EIF2A: variants seen among roughly 807,000 people sequenced by gnomAD.
EIF2A encodes eukaryotic translation initiation factor 2A, also known as 65 kDa eukaryotic translation initiation factor 2A.
A neutral mutation model predicts 75.2 loss-of-function variants in EIF2A; 62 were observed. That is an observed-to-expected ratio of 0.82 (90% CI 0.67 to 1.02). The LOEUF (loss-of-function observed/expected upper bound fraction) is 1.02. EIF2A is among the 50% of genes least tolerant of loss of function. The pLI, the probability that EIF2A is intolerant of heterozygous loss-of-function variation, is 0.00. For missense variants in EIF2A, 611 were observed against 677.7 expected, an observed-to-expected ratio of 0.90 and a Z score of 1.09; for synonymous variants, 207 against 239.0, an observed-to-expected ratio of 0.87 and a Z score of 1.23.
At chr3:150,554,514 G>A (rs1225529644) in intron 2 of EIF2A, among the ~76,000 whole-genome samples, 1 of 152,172 alleles carries the variant, frequency 6.6e-6, no homozygotes, top group African/African-American at 2.4e-5. Context: ...CATCTGAAAA[G>A]CTCGTTAAAA....
At chr3:150,582,382 T>C (rs1293100713) in intron 12 of EIF2A, among the ~76,000 whole-genome samples, 2 of 151,216 alleles carry the variant, frequency 1.3e-5, no homozygotes, top group African/African-American at 4.9e-5. Context: ...TGGCGCGATC[T>C]CGGCTCACTG....
At chr3:150,560,376 C>G (rs934001774) in intron 3 of EIF2A, among the ~76,000 whole-genome samples, 2 of 152,154 alleles carry the variant, frequency 1.3e-5, no homozygotes, top group Non-Finnish European at 2.9e-5. Flanking sequence ...GTTACTGATT[C>G]TTCCTTAAAT....
intron 12 of EIF2A, 60 bp from the exon 13 acceptor site, chr3:150,583,140 G>C: frequency 6.9e-7 from 1 of 1,457,908 alleles, no homozygotes; most frequent in Non-Finnish European, 9.3e-7. Flanking sequence ...TCTTAATAAG[G>C]AAATTTGCAT....
At chr3:150,551,234 G>T (rs1302428195) in intron 1 of EIF2A, among the ~76,000 whole-genome samples, 1 of 152,096 alleles carries the variant, frequency 6.6e-6, no homozygotes, top group South Asian at 2.1e-4. Flanking sequence ...ATATGATTCC[G>T]TATATTTGGC....
intron 9 of EIF2A, among the ~76,000 whole-genome samples, chr3:150,569,990 T>C (rs1324639120): frequency 6.6e-6 from 1 of 152,166 alleles, no homozygotes; most frequent in Non-Finnish European, 1.5e-5. Context: ...AAAATATTGA[T>C]CATTTAATAT....
At chr3:150,552,512 A>G in intron 2 of EIF2A, 87 bp downstream of exon 2, 1 of 1,144,186 alleles carries the variant, frequency 8.7e-7, no homozygotes, top group South Asian at 1.5e-5. Context: ...TGAACAAGAA[A>G]GGAAAAGAAC....
chr3:150,573,975 C>T (rs777082721), intron 10 of EIF2A, among the ~76,000 whole-genome samples: 4 of 152,068 alleles, frequency 2.6e-5, no homozygotes, highest in South Asian at 4.2e-4. Flanking sequence ...TTTGGGAGAC[C>T]GAGGCGGGTG....
chr3:150,567,553 G>T, intron 6 of EIF2A, 140 bp from the exon 7 acceptor site: 1 of 630,748 alleles, frequency 1.6e-6, no homozygotes, highest in Non-Finnish European at 2.7e-6. Flanking sequence ...TTTCCACTGT[G>T]TTACTGTATC....
At chr3:150,552,963 T>C in intron 2 of EIF2A, 1 of 152,418 alleles carries the variant, frequency 6.6e-6, no homozygotes, top group Non-Finnish European at 1.5e-5. Context: ...AGGGGACACA[T>C]CTGTGAAAGA....
Position 150,555,176 on chromosome 3 carries a change from G to A in EIF2A, c.98+2751G>A, listed in dbSNP as rs1273808266. Among the ~76,000 whole-genome samples, 7 of 152,132 alleles carry A rather than the reference G, an allele frequency of 4.6e-5. No individual in the cohort carries two copies. In the East Asian group the frequency reaches 5.8e-4, roughly 13 times the overall value. ...ACTCCTGGGCTCAAGAGATCCAACC[G>A]CCTTGGCCTCCCAAAGTGCTGGGAT... On this transcript the variant is annotated intron_variant, in intron 2 of 13. Transcript: ENST00000460851.
chr3:150,578,437 AAAT>A (rs1475182247), intron 11 of EIF2A, among the ~76,000 whole-genome samples: 6 of 150,688 alleles, frequency 4.0e-5, no homozygotes, highest in African/African-American at 1.5e-4. Context: ...TTATTATTAT[AAAT>A]AATAGTTATT....
rs1355302454 is a variant in EIF2A at position 150,555,409 on chromosome 3, A to C, written c.99-2979A>C. ...GTAGCTGGGATTATAGGCACCTGCTACCACACCTGGCTAAATTTTTTTATT... is the reference window on the plus strand; with the variant it reads ...GTAGCTGGGATTATAGGCACCTGCTCCCACACCTGGCTAAATTTTTTTATT... On this transcript the variant is annotated intron_variant, in intron 2 of 13. Transcript: ENST00000460851. Among the ~76,000 whole-genome samples the C allele has an allele frequency of 2.0e-5, 3 of 151,870 alleles. No homozygotes were observed. The East Asian group carries it at 5.8e-4, about 30-fold the overall frequency.
chr3:150,572,536 A>G lies in EIF2A; in HGVS notation c.1383+7A>G. ...AATCACCAATTCCAAATTGGTAAGT[A>G]AAGTTTTACTACTTTTATAGAAAAA... On this transcript the variant is annotated splice_region_variant and intron_variant, in intron 10 of 13. Transcript: ENST00000460851. 1 of 1,594,604 alleles carries G rather than the reference A, an allele frequency of 6.3e-7. No individual in the cohort carries two copies. The highest frequency in any genetic ancestry group is 1.4e-5 in the African/African-American group (1 of 73,992).
chr3:150,579,280 G>T (rs965259343), intron 11 of EIF2A, among the ~76,000 whole-genome samples: 3 of 152,004 alleles, frequency 2.0e-5, no homozygotes, highest in African/African-American at 7.3e-5. Context: ...CCTATTACCA[G>T]AACTTACAGG....
chr3:150,564,412 A>G (rs780461820), intron 6 of EIF2A, 31 bp downstream of exon 6: 1 of 1,526,378 alleles, frequency 6.6e-7, no homozygotes, highest in South Asian at 1.2e-5. Context: ...TAATTTTATT[A>G]CTTACTGTAA....
intron 3 of EIF2A, among the ~76,000 whole-genome samples, chr3:150,559,603 G>C (rs902034405): frequency 6.8e-6 from 1 of 146,936 alleles, no homozygotes; most frequent in African/African-American, 2.5e-5. Flanking sequence ...CGATTCGCCT[G>C]CCTCAGCCTC....
Position 150,581,665 on chromosome 3 carries a change from A to C in EIF2A, c.1545A>C (p.Pro515=). The C allele has an allele frequency of 1.3e-6, 2 of 1,552,346 alleles. No individual in the cohort carries two copies. Among genetic ancestry groups the C allele is most frequent in the South Asian group, 2.4e-5 (2 of 84,084 alleles). Reference sequence around the variant, plus strand: ...CAGATTTGGCACCTACTCCTGCCCCACAGAGCACACCACGAAACACTGTCT... The same window carrying C: ...CAGATTTGGCACCTACTCCTGCCCCCCAGAGCACACCACGAAACACTGTCT... ...KSPDLAPTPA[P]QSTPRNTVSQ... The change falls in exon 12 of 14, where the codon CCA becomes CCC. Residue 515 remains proline (P), a synonymous_variant. Coordinates refer to ENST00000460851, the MANE Select transcript of EIF2A (RefSeq NM_032025.5).
At chr3:150,546,921 G>A (rs918602842) in intron 1 of EIF2A, 91 bp downstream of exon 1, 3 of 1,563,874 alleles carry the variant, frequency 1.9e-6, no homozygotes, top group Non-Finnish European at 2.6e-6. Context: ...GAGCCGGGGA[G>A]TCTGATCTGC....
chr3:150,571,754 A>G (rs1322954562), intron 9 of EIF2A, among the ~76,000 whole-genome samples: 1 of 152,234 alleles, frequency 6.6e-6, no homozygotes, highest in African/African-American at 2.4e-5. Flanking sequence ...AAAAGAAATT[A>G]AGATTCAATA....
Sources: gnomAD v4.1 joint callset for allele counts (sites outside exome capture counted in the v4.1 genomes callset) on GRCh38, gnomAD v4.1.1 for gene constraint, MANE v1.5 for transcripts, NCBI Gene and HGNC (gene_info 2026-07-23, HGNC 2026-07-21) for gene names.